Variants in ARAP2 observed in about 807,000 individuals in gnomAD.
ARAP2 encodes the protein ArfGAP with RhoGAP domain, ankyrin repeat and PH domain 2.
Under a neutral mutation model 194.5 loss-of-function variants are expected in ARAP2, and 148 were observed. The observed-to-expected ratio is 0.76, with a 90% CI of 0.67 to 0.87. The LOEUF (loss-of-function observed/expected upper bound fraction) is 0.87. Among genes scored for constraint, ARAP2 ranks in the 40% least tolerant of loss-of-function variants. The pLI, the probability that ARAP2 is intolerant of heterozygous loss-of-function variation, is 0.00. For missense variants in ARAP2, 2,128 were observed against 1,989.7 expected (o/e 1.07, Z -1.32); for synonymous variants, 695 against 683.5 (o/e 1.02, Z -0.26).
chr4:36,133,817 T>C (rs1373823097), intron 19 of ARAP2, among the ~76,000 whole-genome samples: 1 of 151,834 alleles, frequency 6.6e-6, no homozygotes, highest in Non-Finnish European at 1.5e-5. Context: ...TCTGGTCACT[T>C]AGTCTCTTTC....
At chr4:36,113,610 TG>T (rs1180537321) in intron 26 of ARAP2, among the ~76,000 whole-genome samples, 1 of 151,874 alleles carries the variant, frequency 6.6e-6, no homozygotes, top group Non-Finnish European at 1.5e-5. Flanking sequence ...TTTTTTTTTC[TG>T]GAGGTCTTTG....
chr4:36,164,294 A>G (rs1247039923), intron 11 of ARAP2, among the ~76,000 whole-genome samples: 2 of 152,028 alleles, frequency 1.3e-5, no homozygotes, highest in Non-Finnish European at 2.9e-5. Context: ...ACTTTCTTCA[A>G]AACTTCCATG....
At chr4:36,153,489 A>C (rs2109738625) in intron 15 of ARAP2, among the ~76,000 whole-genome samples, 1 of 152,302 alleles carries the variant, frequency 6.6e-6, no homozygotes, top group East Asian at 1.9e-4. Flanking sequence ...AATGAATGAC[A>C]CTCAGGACTT....
At position 36,134,220 on chromosome 4, in the gene ARAP2, T is replaced by C. The variant is rs147678661; in HGVS notation, c.3264-831A>G. ...ATGACTAATGTATAAACTATACTAC[T>C]AAAGAATATTTATATTTGAGCATCT... On this transcript the variant is annotated intron_variant, in intron 19 of 32. Coordinates refer to ENST00000303965, the MANE Select transcript of ARAP2 (RefSeq NM_015230.4). 2.2e-3 allele frequency among the ~76,000 whole-genome samples: 338 copies of C among 151,948 alleles called. 2 individuals carry two copies. The highest frequency in any genetic ancestry group is 7.9e-3 in the African/African-American group (326 of 41,520).
In ARAP2 at chr4:36,168,685, G is replaced by A. The variant is rs138215051; in HGVS notation, c.1858-1638C>T. ...TCATTTAGAAAACAAATCATCAACC[G>A]AATTTTTTTTTCTGATGAAAGAACT... On this transcript the variant is annotated intron_variant, in intron 9 of 32. Coordinates refer to ENST00000303965, the MANE Select transcript of ARAP2 (RefSeq NM_015230.4). Among the ~76,000 whole-genome samples the A allele has an allele frequency of 7.0e-3, 1,060 of 152,158 alleles. 10 individuals are homozygous for A. Among genetic ancestry groups the A allele is most frequent in the African/African-American group, 0.023 (949 of 41,512 alleles).
chr4:36,074,304 T>C (rs1183473936), intron 31 of ARAP2, among the ~76,000 whole-genome samples: 2 of 152,158 alleles, frequency 1.3e-5, no homozygotes, highest in African/African-American at 4.8e-5. Context: ...TACTATTTTA[T>C]CTAATTGAAT....
chr4:36,204,677 A>T (rs1224264142), intron 6 of ARAP2, among the ~76,000 whole-genome samples: 1 of 152,174 alleles, frequency 6.6e-6, no homozygotes. Flanking sequence ...TTTTCAGATG[A>T]ATGAGTACAC....
chr4:36,180,725 A>C (rs1739038229), intron 8 of ARAP2, among the ~76,000 whole-genome samples: 1 of 152,208 alleles, frequency 6.6e-6, no homozygotes, highest in South Asian at 2.1e-4. Context: ...AATTACTTTA[A>C]AACTGGCAAT....
intron 28 of ARAP2, among the ~76,000 whole-genome samples, chr4:36,090,277 C>A (rs953804182): frequency 6.6e-6 from 1 of 152,126 alleles, no homozygotes; most frequent in Admixed American, 6.6e-5. Context: ...GCCTACCAAC[C>A]ACAAAAATCC....
chr4:36,140,618 C>T (rs1009750617), intron 19 of ARAP2, among the ~76,000 whole-genome samples: 3 of 151,688 alleles, frequency 2.0e-5, no homozygotes, highest in East Asian at 3.9e-4. Flanking sequence ...TGGAGTATTG[C>T]TAACATATTA....
At chr4:36,154,773 T>G (rs1731841217) in intron 15 of ARAP2, among the ~76,000 whole-genome samples, 1 of 152,216 alleles carries the variant, frequency 6.6e-6, no homozygotes, top group Admixed American at 6.5e-5. Context: ...TTTTAATCAT[T>G]TTGCTCTATG....
chr4:36,178,283 AG>A (rs1467800787), intron 8 of ARAP2, among the ~76,000 whole-genome samples: 1 of 152,214 alleles, frequency 6.6e-6, no homozygotes, highest in Non-Finnish European at 1.5e-5. Flanking sequence ...GATGAATCAC[AG>A]GCTGTATTTT....
At chr4:36,136,804 TGTGTGTGTGTGTGTGC>T (rs1176320548) in intron 19 of ARAP2, among the ~76,000 whole-genome samples, 2 of 126,136 alleles carry the variant, frequency 1.6e-5, no homozygotes, top group African/African-American at 5.5e-5. Context: ...TGTGTGTGTG[TGTGTGTGTGTGTGTGC>T]GTGTCTGTGT....
intron 2 of ARAP2, among the ~76,000 whole-genome samples, chr4:36,221,526 A>T (rs1749168974): frequency 6.6e-6 from 1 of 152,170 alleles, no homozygotes; most frequent in Admixed American, 6.6e-5. Context: ...TTACATTAAA[A>T]AAAAAAGATT....
At chr4:36,191,623 A>C (rs1029741375) in intron 7 of ARAP2, among the ~76,000 whole-genome samples, 6 of 151,942 alleles carry the variant, frequency 3.9e-5, no homozygotes, top group Non-Finnish European at 8.8e-5. Flanking sequence ...ATAAAGAAAA[A>C]AATACTCAAA....
In ARAP2 at chr4:36,229,508, C is replaced by T. The variant is rs1369546809; in HGVS notation, c.-22G>A. The T allele has an allele frequency of 6.4e-7, 1 of 1,561,968 alleles. No homozygotes were observed. The highest frequency in any genetic ancestry group is 2.3e-5 in the East Asian group (1 of 44,346). On this transcript the variant is annotated 5_prime_UTR_variant, in exon 2 of 33. Coordinates refer to ENST00000303965, the MANE Select transcript of ARAP2 (RefSeq NM_015230.4). Reference sequence around the variant, plus strand: ...ACATAATGGTGGCTTCATTACTAAGCTGAGTTACAAAAAGTGGCACGATGA... The same window carrying T: ...ACATAATGGTGGCTTCATTACTAAGTTGAGTTACAAAAAGTGGCACGATGA...
At position 36,059,362 on chromosome 4, in the gene ARAP2, T is replaced by C. The variant is rs576566675; in HGVS notation, n.148-1219A>G. On this transcript the variant is annotated intron_variant and non_coding_transcript_variant, in intron 1 of 12. Coordinates refer to the ARAP2 transcript ENST00000503225. ...CTTTTGCCATAATTCAGAAAAGATA[T>C]AATCAACGGCAGAGTGTAAAAGTGT... Among the ~76,000 whole-genome samples, 13 of 152,264 alleles carry C rather than the reference T, an allele frequency of 8.5e-5. No individual in the cohort carries two copies. In the East Asian group the frequency reaches 2.5e-3, roughly 29 times the overall value.
chr4:36,031,965 G>A (rs924222736), intron 5 of ARAP2, among the ~76,000 whole-genome samples: 8 of 152,054 alleles, frequency 5.3e-5, no homozygotes, highest in Admixed American at 4.6e-4. Flanking sequence ...CACCATGCCA[G>A]GCCAAGTTTC....
intron 8 of ARAP2, among the ~76,000 whole-genome samples, chr4:36,187,230 A>G (rs190907977): frequency 1.9e-4 from 29 of 152,372 alleles, no homozygotes; most frequent in Admixed American, 1.6e-3. Context: ...TCCTTAGCAC[A>G]CAATAGGCTC....
Sources: allele counts gnomAD v4.1 joint callset (sites outside exome capture counted in the v4.1 genomes callset), GRCh38; gene constraint gnomAD v4.1.1; transcripts MANE v1.5; gene names NCBI Gene and HGNC (gene_info 2026-07-23, HGNC 2026-07-21).